POU2F1: variants seen among roughly 807,000 people sequenced by gnomAD.
POU2F1 encodes POU class 2 homeobox 1.
POU2F1 carries 16 observed loss-of-function variants against 84.9 expected under a neutral mutation model. That is an observed-to-expected ratio of 0.19 (90% CI 0.13 to 0.29). The LOEUF (loss-of-function observed/expected upper bound fraction) is 0.29. Ranked by LOEUF, POU2F1 falls within the 10% of genes least tolerant of loss-of-function variation. The pLI is 1.00. For synonymous variants in POU2F1, 368 were observed against 368.3 expected (o/e 1.00, Z 0.01); for missense variants, 738 against 942.6 (o/e 0.78, Z 2.84).
intron 1 of POU2F1, among the ~76,000 whole-genome samples, chr1:167,259,459 C>T (rs1048883835): frequency 1.8e-4 from 28 of 152,162 alleles, no homozygotes; most frequent in Non-Finnish European, 2.9e-5. Context: ...TTGATTTAGT[C>T]GTTTTTCTTT....
chr1:167,239,393 G>C (rs1003808460), intron 1 of POU2F1, among the ~76,000 whole-genome samples: 1 of 152,168 alleles, frequency 6.6e-6, no homozygotes, highest in Non-Finnish European at 1.5e-5. Flanking sequence ...TGCTTATCTG[G>C]TATAGATGCC....
rs1216856999 is a variant in POU2F1, at chr1:167,418,848, A to G, written c.*3038A>G. On this transcript the variant is annotated 3_prime_UTR_variant, in exon 16 of 16. Coordinates refer to ENST00000367866, the MANE Select transcript of POU2F1 (RefSeq NM_002697.4). Reference sequence around the variant, plus strand: ...TATGTGAAGCACTTGATGAGGGTAGACCAGCATAAAAAATCTGTTTAAAAG... The same window carrying G: ...TATGTGAAGCACTTGATGAGGGTAGGCCAGCATAAAAAATCTGTTTAAAAG... 1 of 152,208 alleles carries G rather than the reference A, an allele frequency of 6.6e-6. No homozygotes were observed. The highest frequency in any genetic ancestry group is 6.5e-5 in the Admixed American group (1 of 15,284). The allele number at this position is 152,208 out of a possible 1,614,324, so 9.4% of individuals were successfully genotyped here.
chr1:167,253,388 C>CG (rs1650884862), intron 1 of POU2F1, among the ~76,000 whole-genome samples: 1 of 141,462 alleles, frequency 7.1e-6, no homozygotes, highest in Non-Finnish European at 1.5e-5. Context: ...CCCCCCCCCC[C>CG]CAAACACACA....
At chr1:167,253,518 C>T (rs559055890) in intron 1 of POU2F1, among the ~76,000 whole-genome samples, 4 of 152,142 alleles carry the variant, frequency 2.6e-5, no homozygotes, top group East Asian at 1.9e-4. Context: ...CTGTGCCTCT[C>T]AGGCTCAGGC....
intron 1 of POU2F1, among the ~76,000 whole-genome samples, chr1:167,223,736 A>G (rs193236344): frequency 5.8e-4 from 88 of 152,310 alleles, no homozygotes; most frequent in African/African-American, 2.0e-3. Flanking sequence ...CAGGAAAAAA[A>G]AAAATCTGTA....
chr1:167,237,466 T>G (rs1649551719), intron 1 of POU2F1, among the ~76,000 whole-genome samples: 1 of 152,036 alleles, frequency 6.6e-6, no homozygotes, highest in African/African-American at 2.4e-5. Flanking sequence ...ATCAAGTAAT[T>G]TTTGTATTTT....
In POU2F1 at chr1:167,338,997, C is replaced by G. The variant is rs145366671; in HGVS notation, c.127+6462C>G. On this transcript the variant is annotated intron_variant, in intron 2 of 15. Coordinates refer to ENST00000367866, the MANE Select transcript of POU2F1 (RefSeq NM_002697.4). ...TCTTACAGTTTGGGAGGTCAGAGTC[C>G]TAAAATGAGAGTGTTGTAAGTGCTT... Among the ~76,000 whole-genome samples the G allele has an allele frequency of 3.8e-3, 576 of 152,212 alleles. 3 individuals are homozygous for G. Among genetic ancestry groups the G allele is most frequent in the African/African-American group, 0.013 (555 of 41,516 alleles).
intron 1 of POU2F1, among the ~76,000 whole-genome samples, chr1:167,248,011 G>A (rs1650461057): frequency 6.6e-6 from 1 of 152,178 alleles, no homozygotes; most frequent in Non-Finnish European, 1.5e-5. Context: ...AAAGAGGTGT[G>A]TAGTTGGAAG....
chr1:167,394,704 G>C (rs749108167), intron 9 of POU2F1, among the ~76,000 whole-genome samples: 2 of 152,160 alleles, frequency 1.3e-5, no homozygotes, highest in African/African-American at 4.8e-5. Flanking sequence ...ATATGGGAAG[G>C]CAGAGGATAT....
intron 1 of POU2F1, among the ~76,000 whole-genome samples, chr1:167,288,686 A>G (rs951944290): frequency 2.6e-5 from 4 of 152,174 alleles, no homozygotes; most frequent in Non-Finnish European, 4.4e-5. Flanking sequence ...GACCCTGTCT[A>G]AACAACAGCA....
rs768089593 is a variant in POU2F1 at position 167,361,601 on chromosome 1, A to G, written c.128-3866A>G. Among the ~76,000 whole-genome samples, 83 of 152,146 alleles carry G rather than the reference A, an allele frequency of 5.5e-4. 1 individual carries two copies. The highest frequency in any genetic ancestry group is 1.1e-3 in the Non-Finnish European group (74 of 68,010). On this transcript the variant is annotated intron_variant, in intron 2 of 15. Coordinates refer to ENST00000367866, the MANE Select transcript of POU2F1 (RefSeq NM_002697.4). Reference sequence around the variant, plus strand: ...ATATTTTTTGAGGATTTTCGCATCTATGTTCATCTGGATGTTGGCCTGTAG... The same window carrying G: ...ATATTTTTTGAGGATTTTCGCATCTGTGTTCATCTGGATGTTGGCCTGTAG...
intron 2 of POU2F1, among the ~76,000 whole-genome samples, chr1:167,352,753 T>C (rs2101792365): frequency 6.6e-6 from 1 of 152,340 alleles, no homozygotes; most frequent in Non-Finnish European, 1.5e-5. Flanking sequence ...TCTGGCTGCT[T>C]TTACTTAGTA....
At chr1:167,282,112 C>T (rs1171594200) in intron 1 of POU2F1, among the ~76,000 whole-genome samples, 1 of 151,892 alleles carries the variant, frequency 6.6e-6, no homozygotes, top group Non-Finnish European at 1.5e-5. Flanking sequence ...TATATTCATA[C>T]TGTTACTTAA....
chr1:167,366,296 A>G (rs1659682685), intron 3 of POU2F1, among the ~76,000 whole-genome samples: 1 of 152,174 alleles, frequency 6.6e-6, no homozygotes, highest in South Asian at 2.1e-4. Context: ...TATATATTAG[A>G]CCAATATTTT....
intron 2 of POU2F1, among the ~76,000 whole-genome samples, chr1:167,356,163 C>CTTTTCT (rs1350081640): frequency 3.1e-5 from 4 of 129,854 alleles, no homozygotes; most frequent in Admixed American, 7.8e-5. Context: ...TTTTCTTTTT[C>CTTTTCT]TTTTTTTTTT....
intron 2 of POU2F1, among the ~76,000 whole-genome samples, chr1:167,341,139 T>G (rs1304816580): frequency 6.6e-6 from 1 of 152,210 alleles, no homozygotes; most frequent in East Asian, 1.9e-4. Flanking sequence ...TCTTTTATCT[T>G]TTAGTCATTC....
chr1:167,221,052 G>C (rs1158616696), intron 1 of POU2F1, 94 bp downstream of exon 1: 27 of 1,133,800 alleles, frequency 2.4e-5, no homozygotes, highest in Middle Eastern at 2.5e-4. Context: ...TTAGTACTCA[G>C]GATTATTATA....
At chr1:167,311,937 T>A (rs1655510716) in intron 1 of POU2F1, among the ~76,000 whole-genome samples, 1 of 151,652 alleles carries the variant, frequency 6.6e-6, no homozygotes, top group Non-Finnish European at 1.5e-5. Flanking sequence ...TGGCTAATTT[T>A]TTTTTTTGTT....
At chr1:167,370,262 T>G (rs781766578) in intron 4 of POU2F1, 48 bp downstream of exon 4, 3 of 1,508,256 alleles carry the variant, frequency 2.0e-6, no homozygotes, top group African/African-American at 2.8e-5. Context: ...TTATTTTTTC[T>G]TATATTTTTC....
Sources: gnomAD v4.1 joint callset for allele counts (sites outside exome capture counted in the v4.1 genomes callset) on GRCh38, gnomAD v4.1.1 for gene constraint, MANE v1.5 for transcripts, NCBI Gene and HGNC (gene_info 2026-07-23, HGNC 2026-07-21) for gene names.